The following TRPC4 variants were observed in gnomAD, a reference collection of about 807,000 sequenced individuals.
TRPC4 encodes short transient receptor potential channel 4.
In TRPC4, 49 loss-of-function variants were observed where a neutral mutation model predicts 99.4. The ratio of observed to expected loss-of-function variants is 0.49; its 90% CI spans 0.39 to 0.63. TRPC4 has a LOEUF of 0.63. Among genes scored for constraint, TRPC4 ranks in the 20% least tolerant of loss-of-function variants. TRPC4 has a pLI of 0.00. For synonymous variants in TRPC4, 454 were observed against 425.9 expected, an observed-to-expected ratio of 1.07 and a Z score of -0.81; for missense variants, 898 against 1,152.9, an observed-to-expected ratio of 0.78 and a Z score of 3.20.
chr13:37,766,087 T>C (rs374632862), intron 2 of TRPC4, among the ~76,000 whole-genome samples: 2 of 151,466 alleles, frequency 1.3e-5, no homozygotes, highest in African/African-American at 4.8e-5. Flanking sequence ...AGTCCTATGA[T>C]TGAAGGTTCT....
intron 2 of TRPC4, among the ~76,000 whole-genome samples, chr13:37,772,013 G>T (rs1022669685): frequency 2.0e-5 from 3 of 151,600 alleles, no homozygotes; most frequent in African/African-American, 7.3e-5. Context: ...TTCCCAAGGA[G>T]GAGAGAGAAA....
At chr13:37,671,623 G>A (rs779454712) in intron 5 of TRPC4, among the ~76,000 whole-genome samples, 24 of 151,902 alleles carry the variant, frequency 1.6e-4, no homozygotes, top group Middle Eastern at 6.8e-3. Context: ...TCTGTAATAG[G>A]CACTTTAAAT....
chr13:37,682,918 CTA>C (rs1375919333), intron 4 of TRPC4, among the ~76,000 whole-genome samples: 2 of 138,804 alleles, frequency 1.4e-5, no homozygotes, highest in Non-Finnish European at 3.0e-5. Flanking sequence ...CCATGCCCAG[CTA>C]TCTTTTTTTT....
At chr13:37,651,899 G>A (rs917072278) in intron 7 of TRPC4, among the ~76,000 whole-genome samples, 1 of 152,170 alleles carries the variant, frequency 6.6e-6, no homozygotes, top group Admixed American at 6.5e-5. Flanking sequence ...CTTCAATGTT[G>A]CCAGGAAAAG....
intron 5 of TRPC4, among the ~76,000 whole-genome samples, chr13:37,673,109 C>T (rs974091644): frequency 1.6e-4 from 19 of 121,146 alleles, no homozygotes; most frequent in Admixed American, 6.9e-4. Flanking sequence ...CCCCACCCCG[C>T]GACAGGCCCC....
chr13:37,781,930 AT>A (rs916367971), intron 2 of TRPC4, among the ~76,000 whole-genome samples: 1 of 151,684 alleles, frequency 6.6e-6, no homozygotes, highest in African/African-American at 2.4e-5. Flanking sequence ...TGTAAAAAAA[AT>A]GTCACACCTC....
Position 37,812,176 on chromosome 13 carries a change from C to CAAAAAAAAAAAAAAAAAAAAAAAAAAA in TRPC4, c.-27-28817_-27-28816insTTTTTTTTTTTTTTTTTTTTTTTTTTT, listed in dbSNP as rs61607544. ...CCTAGGCAACAGACTGAGACTCTAT[C>CAAAAAAAAAAAAAAAAAAAAAAAAAAA]AAAAAAAAAAAAAAAAAAACCAGGA... is the stretch of plus-strand genomic sequence containing the variant. On this transcript the variant is annotated intron_variant, in intron 1 of 10. Coordinates refer to ENST00000379705, the MANE Select transcript of TRPC4 (RefSeq NM_016179.4). Among the ~76,000 whole-genome samples, 30 of 55,150 alleles carry CAAAAAAAAAAAAAAAAAAAAAAAAAAA rather than the reference C, an allele frequency of 5.4e-4. 2 individuals carry two copies. Among genetic ancestry groups the CAAAAAAAAAAAAAAAAAAAAAAAAAAA allele is most frequent in the South Asian group, 9.2e-4 (1 of 1,088 alleles). 36.2% of individuals were successfully genotyped at this position (55,150 alleles called of 152,430 possible).
rs138349039 is a variant in TRPC4 at position 37,689,416 on chromosome 13, G to T, written c.1234+2583C>A. Among the ~76,000 whole-genome samples the T allele has an allele frequency of 5.1e-3, 769 of 152,238 alleles. 5 individuals are homozygous for T. The highest frequency in any genetic ancestry group is 8.1e-3 in the Non-Finnish European group (554 of 68,018). On this transcript the variant is annotated intron_variant, in intron 4 of 10. Transcript: ENST00000379705. Reference sequence around the variant, plus strand: ...AGGCACTCACAATTCACCAGACTTGGTGAACAATATAATGGTTTGACAGAT... The same window carrying T: ...AGGCACTCACAATTCACCAGACTTGTTGAACAATATAATGGTTTGACAGAT...
At position 37,772,192 on chromosome 13, in the gene TRPC4, C is replaced by T. The variant is rs559980922; in HGVS notation, c.378+10764G>A. ...CCCAAATCTTTCTCTCTCACACACA[C>T]AGTTAGTGTATGGAAAGGAAAAGAT... On this transcript the variant is annotated intron_variant, in intron 2 of 10. Transcript: ENST00000379705. Among the ~76,000 whole-genome samples, 7 of 151,816 alleles carry T rather than the reference C, an allele frequency of 4.6e-5. No homozygotes were observed. In the South Asian group the frequency reaches 1.5e-3, roughly 32 times the overall value.
chr13:37,729,062 C>A (rs1350739556), intron 3 of TRPC4, among the ~76,000 whole-genome samples: 4 of 152,036 alleles, frequency 2.6e-5, no homozygotes, highest in Non-Finnish European at 4.4e-5. Context: ...TAAAACTCTC[C>A]AACTCTTAGA....
chr13:37,648,227 C>T (rs1026474224), intron 8 of TRPC4, among the ~76,000 whole-genome samples: 8 of 152,106 alleles, frequency 5.3e-5, no homozygotes, highest in East Asian at 3.9e-4. Flanking sequence ...AGGTGTGAGC[C>T]GCCGCACCCA....
At chr13:37,805,489 C>T (rs940073759) in intron 1 of TRPC4, among the ~76,000 whole-genome samples, 1 of 151,986 alleles carries the variant, frequency 6.6e-6, no homozygotes, top group Middle Eastern at 3.4e-3. Context: ...TCCATGTTTT[C>T]TTTTCCACTT....
intron 1 of TRPC4, among the ~76,000 whole-genome samples, chr13:37,789,219 T>C (rs1234105592): frequency 6.6e-6 from 1 of 152,158 alleles, no homozygotes; most frequent in Middle Eastern, 3.2e-3. Flanking sequence ...CAAGTTTATT[T>C]TACACTGCCC....
intron 1 of TRPC4, among the ~76,000 whole-genome samples, chr13:37,835,038 TG>T (rs979299717): frequency 1.9e-4 from 26 of 134,034 alleles, no homozygotes; most frequent in Non-Finnish European, 4.0e-4. Context: ...AGGCCCAGCC[TG>T]TTTTTTTTTT....
intron 1 of TRPC4, among the ~76,000 whole-genome samples, chr13:37,818,490 A>T: frequency 6.6e-6 from 1 of 152,154 alleles, no homozygotes; most frequent in East Asian, 1.9e-4. Flanking sequence ...TACTATAAAG[A>T]TACATGCACA....
intron 1 of TRPC4, among the ~76,000 whole-genome samples, chr13:37,830,226 G>A (rs1201256457): frequency 6.6e-6 from 1 of 151,766 alleles, no homozygotes; most frequent in Non-Finnish European, 1.5e-5. Flanking sequence ...ACATAAATGT[G>A]GTAAAATTTC....
intron 8 of TRPC4, among the ~76,000 whole-genome samples, chr13:37,643,403 A>G (rs543789966): frequency 1.3e-5 from 2 of 152,306 alleles, no homozygotes; most frequent in South Asian, 2.1e-4. Flanking sequence ...AAAACACGGG[A>G]AGTGCTGTAA....
chr13:37,840,592 T>A (rs1958704860), intron 1 of TRPC4, among the ~76,000 whole-genome samples: 1 of 151,962 alleles, frequency 6.6e-6, no homozygotes, highest in South Asian at 2.1e-4. Flanking sequence ...GGCAAAATTA[T>A]CAAATATAGG....
At chr13:37,780,161 C>T (rs1191669669) in intron 2 of TRPC4, among the ~76,000 whole-genome samples, 2 of 152,084 alleles carry the variant, frequency 1.3e-5, no homozygotes, top group Non-Finnish European at 2.9e-5. Flanking sequence ...TCTGAAATCT[C>T]ACAGCTCCCA....
Sources: allele counts gnomAD v4.1 joint callset (sites outside exome capture counted in the v4.1 genomes callset), GRCh38; gene constraint gnomAD v4.1.1; transcripts MANE v1.5; gene names NCBI Gene and HGNC (gene_info 2026-07-23, HGNC 2026-07-21).